Variants in GALNT16 observed in about 807,000 individuals in gnomAD.
The protein encoded by GALNT16 is polypeptide N-acetylgalactosaminyltransferase 16.
In GALNT16, 40 loss-of-function variants were observed where a neutral mutation model predicts 76.1. The observed-to-expected ratio is 0.53, with a 90% CI of 0.41 to 0.68. GALNT16 has a LOEUF of 0.68. Ranked by LOEUF, GALNT16 falls within the 30% of genes least tolerant of loss-of-function variation. The probability of loss-of-function intolerance (pLI) is 0.00; values close to 1 mark genes in which losing one functional copy is unlikely to be tolerated. For synonymous variants in GALNT16, 276 were observed against 285.2 expected, an observed-to-expected ratio of 0.97 and a Z score of 0.32; for missense variants, 621 against 731.9, an observed-to-expected ratio of 0.85 and a Z score of 1.75.
At chr14:69,311,883 C>A (rs547053378) in intron 1 of GALNT16, among the ~76,000 whole-genome samples, 1 of 151,804 alleles carries the variant, frequency 6.6e-6, no homozygotes, top group Non-Finnish European at 1.5e-5. Context: ...ATATGTTATA[C>A]GGCCCATTAT....
intron 13 of GALNT16, 132 bp from the exon 14 acceptor site, chr14:69,347,745 T>C: frequency 2.1e-6 from 2 of 930,710 alleles, no homozygotes; most frequent in Admixed American, 2.1e-5. Context: ...CCCATACATC[T>C]ACCCTAGCTC....
intron 1 of GALNT16, among the ~76,000 whole-genome samples, chr14:69,270,642 C>T (rs1328477618): frequency 6.6e-6 from 1 of 152,228 alleles, no homozygotes; most frequent in Non-Finnish European, 1.5e-5. Context: ...GAGTTGCCTT[C>T]CAAAGTTGCT....
At chr14:69,260,547 G>T in intron 1 of GALNT16, 80 bp downstream of exon 1, 1 of 1,059,656 alleles carries the variant, frequency 9.4e-7, no homozygotes, top group Non-Finnish European at 1.2e-6. Context: ...CCGAGGGCGC[G>T]GGGCCCGGCC....
chr14:69,334,671 G>A (rs1468945258), intron 9 of GALNT16, among the ~76,000 whole-genome samples: 1 of 152,116 alleles, frequency 6.6e-6, no homozygotes, highest in African/African-American at 2.4e-5. Flanking sequence ...CTGTGGTCTT[G>A]GGGCACATGC....
chr14:69,347,636 C>T (rs924932982), intron 13 of GALNT16, among the ~76,000 whole-genome samples: 2 of 152,214 alleles, frequency 1.3e-5, no homozygotes, highest in South Asian at 4.1e-4. Flanking sequence ...ACAGCCCTGA[C>T]TGCCCTCTGG....
At chr14:69,339,707 A>T in intron 11 of GALNT16, 88 bp downstream of exon 11, 1 of 733,696 alleles carries the variant, frequency 1.4e-6, no homozygotes, top group Non-Finnish European at 2.3e-6. Context: ...ACGCCAGGGA[A>T]CCACCCGCCA....
At chr14:69,287,742 A>C (rs1026709661) in intron 1 of GALNT16, among the ~76,000 whole-genome samples, 12 of 152,262 alleles carry the variant, frequency 7.9e-5, no homozygotes, top group South Asian at 6.2e-4. Flanking sequence ...TCCTACCTGC[A>C]CTTTTTTCTC....
the GALNT16 span, among the ~76,000 whole-genome samples, chr14:69,369,291 T>C: frequency 1.9e-4 from 29 of 152,278 alleles, no homozygotes; most frequent in African/African-American, 6.5e-4. Flanking sequence ...GTCTGGCACA[T>C]AGTAAGTGCT....
intron 1 of GALNT16, among the ~76,000 whole-genome samples, chr14:69,308,016 G>A (rs980596705): frequency 5.1e-4 from 77 of 151,968 alleles, no homozygotes; most frequent in Admixed American, 3.3e-4. Context: ...CTCCCACCCC[G>A]ACTCTGCAAT....
intron 1 of GALNT16, among the ~76,000 whole-genome samples, chr14:69,260,750 C>T (rs770491444): frequency 3.7e-4 from 56 of 151,866 alleles, no homozygotes; most frequent in Admixed American, 7.2e-4. Flanking sequence ...AACGTGGCGG[C>T]TCTCCCGGCT....
chr14:69,338,248 C>T (rs190610093), intron 9 of GALNT16, among the ~76,000 whole-genome samples: 21 of 152,344 alleles, frequency 1.4e-4, no homozygotes, highest in African/African-American at 3.4e-4. Context: ...GCTGGTTTTC[C>T]GACCTCTCAG....
chr14:69,301,103 G>GC (rs34295853), intron 1 of GALNT16, among the ~76,000 whole-genome samples: 24,181 of 124,830 alleles, frequency 0.19, 2,815 homozygotes, highest in East Asian at 0.63. Context: ...GGGGATTTCA[G>GC]GCTCCAGGGA....
chr14:69,261,843 C>T lies in GALNT16; in HGVS notation c.177+1376C>T, dbSNP rs1225099061. ...TGTGGGTTTTGTCCTAGATACCAGT[C>T]TGGGTGAACTCTCTGGGGGCAAGCC... On this transcript the variant is annotated intron_variant, in intron 1 of 14. Transcript: ENST00000448469. The surrounding 1 kb of genome is among the most constrained non-coding windows in gnomAD (Gnocchi z 6.4). Among the ~76,000 whole-genome samples the T allele has an allele frequency of 6.6e-6, 1 of 152,134 alleles. No individual in the cohort carries two copies. The highest frequency in any genetic ancestry group is 2.4e-5 in the African/African-American group (1 of 41,402).
chr14:69,385,825 C>T, the GALNT16 span, among the ~76,000 whole-genome samples: 1 of 152,118 alleles, frequency 6.6e-6, no homozygotes, highest in Non-Finnish European at 1.5e-5. Context: ...ATTCTCAGTC[C>T]TCACATATCT....
downstream of GALNT16, chr14:69,358,817 G>A (rs542459696): frequency 6.6e-6 from 1 of 152,532 alleles, no homozygotes; most frequent in Non-Finnish European, 1.5e-5. Flanking sequence ...ACTATCCAAT[G>A]CCTGATGGCA....
In GALNT16 at chr14:69,276,738, G is replaced by T. The variant is rs571855057; in HGVS notation, c.177+16271G>T. ...CAAATCTAACAAAATATAAACAGTT[G>T]TTAATTCTGGTGGCAGTGCAAGTAA... On this transcript the variant is annotated intron_variant, in intron 1 of 14. Transcript: ENST00000448469. 1.6e-4 allele frequency among the ~76,000 whole-genome samples: 24 copies of T among 152,072 alleles called. 1 individual carries two copies. In the South Asian group the frequency reaches 3.5e-3, roughly 22 times the overall value.
At chr14:69,301,814 C>T (rs367709342) in intron 1 of GALNT16, among the ~76,000 whole-genome samples, 2 of 152,080 alleles carry the variant, frequency 1.3e-5, no homozygotes, top group East Asian at 3.9e-4. Context: ...CATGGTGAAA[C>T]CTGCTCTCTC....
intron 9 of GALNT16, among the ~76,000 whole-genome samples, chr14:69,335,700 G>T (rs1000271073): frequency 9.2e-5 from 14 of 152,180 alleles, no homozygotes; most frequent in Non-Finnish European, 1.6e-4. Flanking sequence ...TGGGCTAGCT[G>T]CAGTGCTCAG....
chr14:69,361,773 G>A (rs561745047), downstream of GALNT16, among the ~76,000 whole-genome samples: 44 of 152,256 alleles, frequency 2.9e-4, no homozygotes, highest in Admixed American at 8.5e-4. Flanking sequence ...TTGGGAGGCC[G>A]AGGCAGGTGG....
Sources: gnomAD v4.1 joint callset for allele counts (sites outside exome capture counted in the v4.1 genomes callset) on GRCh38, gnomAD v4.1.1 for gene constraint, Gnocchi (gnomAD v3.1) non-coding constraint, MANE v1.5 for transcripts, NCBI Gene and HGNC (gene_info 2026-07-23, HGNC 2026-07-21) for gene names.